Variants in THSD7B observed in about 807,000 individuals in gnomAD.
THSD7B encodes thrombospondin type 1 domain containing 7B.
THSD7B carries 138 observed loss-of-function variants against 213.6 expected under a neutral mutation model. The observed-to-expected ratio is 0.65, with a 90% confidence interval of 0.56 to 0.74. THSD7B has a LOEUF of 0.74. Ranked by LOEUF, THSD7B falls within the 30% of genes least tolerant of loss-of-function variation. THSD7B has a pLI of 0.00. For synonymous variants in THSD7B, 742 were observed against 687.0 expected, an observed-to-expected ratio of 1.08 and a Z score of -1.25; for missense variants, 1,931 against 1,991.5, an observed-to-expected ratio of 0.97 and a Z score of 0.58.
chr2:137,662,242 C>CTTT (rs57630973), intron 25 of THSD7B, among the ~76,000 whole-genome samples: 20 of 92,422 alleles, frequency 2.2e-4, no homozygotes, highest in Non-Finnish European at 3.9e-4. Context: ...TTTTTTTTTT[C>CTTT]TTTTTTTTTT....
chr2:137,167,288 C>T (rs1279161687), intron 6 of THSD7B, among the ~76,000 whole-genome samples: 1 of 152,028 alleles, frequency 6.6e-6, no homozygotes, highest in Non-Finnish European at 1.5e-5. Flanking sequence ...ACGGCAACCT[C>T]CACCTCCTGG....
At chr2:137,441,514 T>C (rs1008579242) in intron 14 of THSD7B, among the ~76,000 whole-genome samples, 1 of 152,142 alleles carries the variant, frequency 6.6e-6, no homozygotes, top group Non-Finnish European at 1.5e-5. Context: ...TGAAGGTTAT[T>C]TATTTTAGGT....
chr2:137,452,297 A>G (rs1385753583), intron 15 of THSD7B, among the ~76,000 whole-genome samples: 1 of 152,102 alleles, frequency 6.6e-6, no homozygotes, highest in African/African-American at 2.4e-5. Context: ...AATCAATGTA[A>G]AAGTTGGAAA....
chr2:137,454,420 G>GTCTGTCTT (rs1687719927), intron 15 of THSD7B, among the ~76,000 whole-genome samples: 1 of 129,382 alleles, frequency 7.7e-6, no homozygotes, highest in African/African-American at 2.9e-5. Flanking sequence ...CTGTCTGTCT[G>GTCTGTCTT]TCTGTCTATC....
intron 12 of THSD7B, among the ~76,000 whole-genome samples, chr2:137,285,455 G>A (rs941028618): frequency 2.0e-5 from 3 of 151,990 alleles, no homozygotes; most frequent in Non-Finnish European, 2.9e-5. Flanking sequence ...GATGTTAGCT[G>A]GTTATTTGGC....
intron 7 of THSD7B, among the ~76,000 whole-genome samples, chr2:137,213,850 T>G (rs7608098): frequency 0.6 from 90,690 of 151,814 alleles, 27,499 homozygotes; most frequent in South Asian, 0.71. Context: ...CCAGATCCTG[T>G]AACACTGAGC....
chr2:137,315,302 C>A (rs533025895), intron 12 of THSD7B, among the ~76,000 whole-genome samples: 52 of 152,110 alleles, frequency 3.4e-4, no homozygotes, highest in African/African-American at 1.1e-3. Context: ...TTCTTTGACT[C>A]GGAAAGGGAA....
At chr2:137,069,140 C>A (rs1392975584) in intron 3 of THSD7B, among the ~76,000 whole-genome samples, 3 of 152,092 alleles carry the variant, frequency 2.0e-5, no homozygotes, top group East Asian at 3.9e-4. Context: ...CCTAATTTTT[C>A]TTTTTCATTT....
At chr2:137,324,388 C>A (rs1684322951) in intron 12 of THSD7B, among the ~76,000 whole-genome samples, 1 of 152,082 alleles carries the variant, frequency 6.6e-6, no homozygotes, top group Non-Finnish European at 1.5e-5. Context: ...AAATAGTATT[C>A]CTCACAAGAA....
chr2:136,825,718 A>ATTTTTTTTTTTTTTTGTTTTTTTT (rs1682635785), intron 1 of THSD7B, among the ~76,000 whole-genome samples: 2 of 116,894 alleles, frequency 1.7e-5, no homozygotes, highest in Non-Finnish European at 3.4e-5. Flanking sequence ...TGCCTGGCTA[A>ATTTTTTTTTTTTTTTGTTTTTTTT]TTTTTTTTTT....
chr2:137,210,428 G>T, intron 7 of THSD7B, among the ~76,000 whole-genome samples: 1 of 152,026 alleles, frequency 6.6e-6, no homozygotes, highest in East Asian at 1.9e-4. Context: ...TATAAATTAT[G>T]TTAAAATATA....
At chr2:137,222,968 A>G (rs1423424412) in intron 7 of THSD7B, among the ~76,000 whole-genome samples, 1 of 152,178 alleles carries the variant, frequency 6.6e-6, no homozygotes, top group African/African-American at 2.4e-5. Flanking sequence ...GGCTGAAGAA[A>G]TGACAACTAT....
chr2:136,944,528 T>A (rs1381578710), intron 2 of THSD7B, among the ~76,000 whole-genome samples: 3 of 152,142 alleles, frequency 2.0e-5, no homozygotes, highest in African/African-American at 7.2e-5. Context: ...AGTCTCTTTA[T>A]AGGTCTCTAA....
At chr2:136,822,123 A>C (rs1404339078) in intron 1 of THSD7B, among the ~76,000 whole-genome samples, 3 of 152,144 alleles carry the variant, frequency 2.0e-5, no homozygotes, top group African/African-American at 7.2e-5. Context: ...CTTGGGAGTT[A>C]TAAAGAGGAG....
intron 2 of THSD7B, among the ~76,000 whole-genome samples, chr2:136,938,119 C>A (rs137858210): frequency 7.9e-5 from 12 of 152,306 alleles, no homozygotes; most frequent in Middle Eastern, 3.4e-3. Flanking sequence ...TTGGAATTTG[C>A]ATCTTTACCC....
intron 12 of THSD7B, among the ~76,000 whole-genome samples, chr2:137,362,979 G>A (rs1193025982): frequency 6.6e-6 from 1 of 152,132 alleles, no homozygotes; most frequent in African/African-American, 2.4e-5. Context: ...TGACCACATA[G>A]TTGGGAGTAA....
chr2:137,087,676 C>T (rs1687864820), intron 3 of THSD7B, among the ~76,000 whole-genome samples: 1 of 152,148 alleles, frequency 6.6e-6, no homozygotes, highest in Admixed American at 6.6e-5. Flanking sequence ...GAAACACATC[C>T]CATGCTTATG....
At chr2:137,004,013 C>T (rs1016204444) in intron 2 of THSD7B, among the ~76,000 whole-genome samples, 2 of 152,102 alleles carry the variant, frequency 1.3e-5, no homozygotes, top group Non-Finnish European at 1.5e-5. Flanking sequence ...TTCACCCTCC[C>T]CTGTTGCTTC....
intron 5 of THSD7B, among the ~76,000 whole-genome samples, chr2:137,126,270 T>C (rs958944806): frequency 3.9e-5 from 6 of 152,196 alleles, no homozygotes; most frequent in African/African-American, 1.4e-4. Context: ...GGCTGTTTCG[T>C]CTACATTAAG....
Sources: gnomAD v4.1 joint callset for allele counts (sites outside exome capture counted in the v4.1 genomes callset) on GRCh38, gnomAD v4.1.1 for gene constraint, MANE v1.5 for transcripts, NCBI Gene and HGNC (gene_info 2026-07-23, HGNC 2026-07-21) for gene names.